The following DAB1 variants were observed in gnomAD, a reference collection of about 807,000 sequenced individuals.
The protein encoded by DAB1 is disabled homolog 1.
In DAB1, 15 loss-of-function variants were observed where a neutral mutation model predicts 64.6. That is an observed-to-expected ratio of 0.23 (90% confidence interval 0.16 to 0.36). The LOEUF is 0.36. Among genes scored for constraint, DAB1 ranks in the 10% least tolerant of loss-of-function variants. The pLI, the probability that DAB1 is intolerant of heterozygous loss-of-function variation, is 1.00. For synonymous variants in DAB1, 235 were observed against 251.9 expected (o/e 0.93, Z 0.64); for missense variants, 596 against 706.7 (o/e 0.84, Z 1.78).
intron 5 of DAB1, among the ~76,000 whole-genome samples, chr1:57,905,935 G>C (rs900930221): frequency 6.6e-6 from 1 of 152,172 alleles, no homozygotes; most frequent in Admixed American, 6.5e-5. Flanking sequence ...TTTAGCCAAA[G>C]CTTGTAATAG....
In DAB1 at chr1:57,456,586, G is replaced by A. The variant is rs925405882; in HGVS notation, n.626-165420C>T. ...TTAAAATAGTATTTGAAAAGTGGTT[G>A]GAGGAAGCTTCTCTCAATCCTCTCA... is the stretch of plus-strand genomic sequence containing the variant. On this transcript the variant is annotated intron_variant and non_coding_transcript_variant, in intron 7 of 20. Coordinates refer to the DAB1 transcript ENST00000485760. Among the ~76,000 whole-genome samples, 3 of 152,138 alleles carry A rather than the reference G, an allele frequency of 2.0e-5. No individual in the cohort carries two copies. In the South Asian group the frequency reaches 6.2e-4, roughly 32 times the overall value.
intron 4 of DAB1, among the ~76,000 whole-genome samples, chr1:58,192,421 C>T (rs538021908): frequency 4.1e-4 from 63 of 152,164 alleles, no homozygotes; most frequent in Non-Finnish European, 8.8e-4. Context: ...CTCTCCCCCA[C>T]CCTTCCATCT....
chr1:57,206,452 C>T (rs1054604652), intron 2 of DAB1, among the ~76,000 whole-genome samples: 2 of 152,190 alleles, frequency 1.3e-5, no homozygotes, highest in Non-Finnish European at 2.9e-5. Flanking sequence ...TTAAAAAAGG[C>T]AGTGACCTAA....
chr1:57,402,786 A>G (rs568075569), intron 1 of DAB1, among the ~76,000 whole-genome samples: 2 of 152,354 alleles, frequency 1.3e-5, no homozygotes, highest in East Asian at 3.9e-4. Context: ...AAGACCAGAC[A>G]GAATCCAAAC....
chr1:57,445,099 G>A (rs556691051), intron 7 of DAB1, among the ~76,000 whole-genome samples: 1 of 151,998 alleles, frequency 6.6e-6, no homozygotes, highest in South Asian at 2.1e-4. Flanking sequence ...ACAAAAATAA[G>A]CATTTAAAAA....
intron 4 of DAB1, among the ~76,000 whole-genome samples, chr1:58,313,311 T>C (rs1312391425): frequency 6.6e-6 from 1 of 152,006 alleles, no homozygotes; most frequent in East Asian, 1.9e-4. Context: ...TAGTAGTAGG[T>C]GGGGCTCCTT....
intron 4 of DAB1, among the ~76,000 whole-genome samples, chr1:57,129,077 AAGCAACT>A (rs1448056085): frequency 1.3e-5 from 2 of 152,160 alleles, no homozygotes; most frequent in African/African-American, 4.8e-5. Context: ...AAGCATGTAA[AAGCAACT>A]AGCTTAGAAA....
chr1:57,206,296 A>G (rs548042548), intron 2 of DAB1, among the ~76,000 whole-genome samples: 1 of 152,298 alleles, frequency 6.6e-6, no homozygotes, highest in Admixed American at 6.5e-5. Flanking sequence ...AGCCTGTGGC[A>G]TGAAAGGAGA....
At chr1:57,490,232 T>A (rs1644144875) in intron 7 of DAB1, among the ~76,000 whole-genome samples, 1 of 152,214 alleles carries the variant, frequency 6.6e-6, no homozygotes, top group Non-Finnish European at 1.5e-5. Flanking sequence ...CTGAATGAAC[T>A]AAGACATAAC....
chr1:57,063,878 C>T (rs3768194), intron 8 of DAB1, among the ~76,000 whole-genome samples: 27,612 of 152,078 alleles, frequency 0.18, 3,166 homozygotes, highest in East Asian at 0.48. Flanking sequence ...TTGGAAGCAC[C>T]CATTAGTTGT....
intron 5 of DAB1, among the ~76,000 whole-genome samples, chr1:58,118,550 C>CAT (rs1227539207): frequency 1.2e-5 from 1 of 80,384 alleles, no homozygotes; most frequent in Non-Finnish European, 2.3e-5. Context: ...CATATATATA[C>CAT]ATATATATAA....
intron 5 of DAB1, among the ~76,000 whole-genome samples, chr1:57,969,018 C>T (rs958948769): frequency 6.6e-6 from 1 of 152,130 alleles, no homozygotes; most frequent in Admixed American, 6.6e-5. Flanking sequence ...TTAAACCTTT[C>T]AGTATCATTC....
At chr1:57,186,768 A>AC (rs1663607752) in intron 2 of DAB1, among the ~76,000 whole-genome samples, 2 of 152,174 alleles carry the variant, frequency 1.3e-5, no homozygotes. Context: ...AGAATAAGAC[A>AC]CTTTGTATTC....
intron 3 of DAB1, among the ~76,000 whole-genome samples, chr1:58,463,259 G>A (rs1055466755): frequency 1.3e-5 from 2 of 152,198 alleles, no homozygotes; most frequent in African/African-American, 4.8e-5. Flanking sequence ...AGAGCTCCTG[G>A]TGAGAGGAGT....
intron 2 of DAB1, among the ~76,000 whole-genome samples, chr1:57,197,668 A>G (rs1247354716): frequency 6.6e-6 from 1 of 152,190 alleles, no homozygotes; most frequent in African/African-American, 2.4e-5. Flanking sequence ...TACTCAGGAG[A>G]GCACATGGTT....
At chr1:58,480,996 G>A (rs777988432) in intron 3 of DAB1, 10 of 869,968 alleles carry the variant, frequency 1.1e-5, no homozygotes, top group Admixed American at 5.1e-5. Context: ...AACTATGTAT[G>A]TTAATGGTAT....
chr1:57,836,128 A>AC (rs1283000673), intron 1 of DAB1, among the ~76,000 whole-genome samples: 2 of 152,204 alleles, frequency 1.3e-5, no homozygotes, highest in African/African-American at 4.8e-5. Context: ...TTATTACCTT[A>AC]CCACTACTGC....
chr1:57,102,123 G>A (rs916039544), intron 4 of DAB1, among the ~76,000 whole-genome samples: 4 of 152,170 alleles, frequency 2.6e-5, no homozygotes, highest in Admixed American at 2.0e-4. Flanking sequence ...GCGGTCTTTG[G>A]AGTAATAGAG....
chr1:58,223,068 C>T (rs1174608437), intron 4 of DAB1, among the ~76,000 whole-genome samples: 2 of 152,164 alleles, frequency 1.3e-5, no homozygotes, highest in Admixed American at 6.5e-5. Flanking sequence ...GTCTTCTATC[C>T]ATGAGATTGT....
Sources: gnomAD v4.1 joint callset for allele counts (sites outside exome capture counted in the v4.1 genomes callset) on GRCh38, gnomAD v4.1.1 for gene constraint, MANE v1.5 for transcripts, NCBI Gene and HGNC (gene_info 2026-07-23, HGNC 2026-07-21) for gene names.